ZC3HAV1: variants seen among roughly 807,000 people sequenced by gnomAD.
The protein encoded by ZC3HAV1 is zinc finger CCCH-type antiviral protein 1.
In ZC3HAV1, 41 loss-of-function variants were observed where a neutral mutation model predicts 86.6. The ratio of observed to expected loss-of-function variants is 0.47; its 90% CI spans 0.37 to 0.61. The LOEUF (loss-of-function observed/expected upper bound fraction) is 0.61, where lower values mean the gene tolerates loss of function less well. ZC3HAV1 is among the 20% of genes least tolerant of loss of function. The pLI is 0.00. For synonymous variants in ZC3HAV1, 421 were observed against 432.1 expected (o/e 0.97, Z 0.32); for missense variants, 964 against 1,141.1 (o/e 0.84, Z 2.24).
At chr7:139,094,237 A>G (rs907476697) in intron 1 of ZC3HAV1, among the ~76,000 whole-genome samples, 2 of 152,016 alleles carry the variant, frequency 1.3e-5, no homozygotes, top group Non-Finnish European at 2.9e-5. Context: ...GAGGCCAAGA[A>G]TTTGCATGTC....
At chr7:139,070,789 T>C (rs1314651320) in intron 7 of ZC3HAV1, among the ~76,000 whole-genome samples, 3 of 151,692 alleles carry the variant, frequency 2.0e-5, no homozygotes, top group Non-Finnish European at 2.9e-5. Context: ...AAGACCAGCC[T>C]GGCCAACATG....
chr7:139,052,063 C>T (rs936344402), intron 12 of ZC3HAV1, among the ~76,000 whole-genome samples: 9 of 151,136 alleles, frequency 6.0e-5, no homozygotes, highest in Non-Finnish European at 8.8e-5. Flanking sequence ...AGTAAGCTTG[C>T]TTATTAGTTA....
Position 139,083,830 on chromosome 7 carries a change from T to C in ZC3HAV1, c.647A>G (p.Gln216Arg). 2 of 1,613,922 alleles carry C rather than the reference T, an allele frequency of 1.2e-6. No individual in the cohort carries two copies. The highest frequency in any genetic ancestry group is 1.7e-6 in the Non-Finnish European group (2 of 1,179,950). ...CATGTGCTTGCTGTTGCAGATGTCC[T>C]GGATGTTCTGGACCACGTCGGGGTT... ...GLNPDVVQNI[Q>R]DICNSKHMQK... The change falls in exon 3 of 13, where the codon CAG becomes CGG. Residue 216 changes from glutamine (Q) to arginine (R), a missense_variant. Transcript: ENST00000242351.
chr7:139,081,339 C>G (rs1024451520), intron 3 of ZC3HAV1, among the ~76,000 whole-genome samples: 1 of 151,974 alleles, frequency 6.6e-6, no homozygotes, highest in Non-Finnish European at 1.5e-5. Context: ...CTCTTCCAAA[C>G]CCAGGGGGCA....
At chr7:139,049,165 T>C (rs1816052594) in intron 12 of ZC3HAV1, among the ~76,000 whole-genome samples, 3 of 149,138 alleles carry the variant, frequency 2.0e-5, no homozygotes, top group Admixed American at 6.7e-5. Flanking sequence ...TTGTTGCTGC[T>C]GTTTTTGAGA....
At chr7:139,089,924 A>C (rs145668475) in intron 1 of ZC3HAV1, among the ~76,000 whole-genome samples, 165 bp from the exon 2 acceptor site, 32 of 151,952 alleles carry the variant, frequency 2.1e-4, no homozygotes, top group African/African-American at 6.8e-4. Context: ...TATTTTTTTT[A>C]CTTTTTTTTT....
At chr7:139,102,076 A>G (rs1266534456) in intron 1 of ZC3HAV1, among the ~76,000 whole-genome samples, 7 of 152,148 alleles carry the variant, frequency 4.6e-5, no homozygotes, top group Non-Finnish European at 2.9e-5. Context: ...ACAAAGAAGC[A>G]TATACCAAAA....
intron 2 of ZC3HAV1, among the ~76,000 whole-genome samples, chr7:139,089,239 G>A (rs537919433): frequency 1.9e-4 from 29 of 152,002 alleles, no homozygotes; most frequent in African/African-American, 7.0e-4. Flanking sequence ...TGTATTTTGA[G>A]GGGGTCTCTG....
chr7:139,067,381 C>G (rs905504492), intron 7 of ZC3HAV1, among the ~76,000 whole-genome samples: 1 of 152,194 alleles, frequency 6.6e-6, no homozygotes, highest in East Asian at 1.9e-4. Context: ...GAACTCCTGA[C>G]CTCAGGTGAT....
chr7:139,082,782 A>G (rs999033048), intron 3 of ZC3HAV1, among the ~76,000 whole-genome samples: 6 of 152,194 alleles, frequency 3.9e-5, no homozygotes, highest in Admixed American at 6.6e-5. Context: ...TGTCAAATTC[A>G]TACAAACAGA....
At position 139,084,085 on chromosome 7, in the gene ZC3HAV1, A is replaced by G. The variant is rs998125417; in HGVS notation, c.445-53T>C. On this transcript the variant is annotated intron_variant, in intron 2 of 12. Coordinates refer to ENST00000242351, the MANE Select transcript of ZC3HAV1 (RefSeq NM_020119.4). ...GTCAAAACACCTTCTTGTATTTGCC[A>G]AACATTCATTAAGGCAAGCTCACGT... 4.4e-6 allele frequency: 7 copies of G among 1,589,306 alleles called. No homozygotes were observed. The African/African-American group carries it at 9.4e-5, about 21-fold the overall frequency.
Position 139,102,004 on chromosome 7 carries a change from T to TAA in ZC3HAV1, c.308+7018_308+7019dup, listed in dbSNP as rs34657510. On this transcript the variant is annotated intron_variant, in intron 1 of 12. Transcript: ENST00000242351. ...GTGAGAAACACCCAAGAATGATCAA[T>TAA]AAAAAAAAAAAAAAATCAAAATTCC... 2.7e-3 allele frequency among the ~76,000 whole-genome samples: 358 copies of TAA among 130,438 alleles called. 2 individuals carry two copies. The highest frequency in any genetic ancestry group is 3.9e-3 in the Admixed American group (50 of 12,878). The allele number at this position is 130,438 out of a possible 152,430, so 85.6% of individuals were successfully genotyped here.
chr7:139,047,122 T>G lies in ZC3HAV1; in HGVS notation c.*472A>C. On this transcript the variant is annotated 3_prime_UTR_variant, in exon 13 of 13. Coordinates refer to ENST00000242351, the MANE Select transcript of ZC3HAV1 (RefSeq NM_020119.4). ...CGGGCAGATTGCCTGAGCTCAGGAG[T>G]TTGAGACCAGCCTGGGCAACACAGT... The G allele has an allele frequency of 6.0e-6, 1 of 167,186 alleles. No homozygotes were observed. The highest frequency in any genetic ancestry group is 1.3e-5 in the Non-Finnish European group (1 of 78,784). 10.4% of individuals were successfully genotyped at this position (167,186 alleles called of 1,614,324 possible). A position where few individuals can be genotyped will look rare whatever the true frequency, so the allele number is the denominator to read the frequency against.
intron 2 of ZC3HAV1, among the ~76,000 whole-genome samples, chr7:139,085,734 T>G (rs560748602): frequency 2.0e-5 from 3 of 152,260 alleles, no homozygotes; most frequent in African/African-American, 7.2e-5. Context: ...TGGTTCAGGC[T>G]GGGCATGGTG....
intron 12 of ZC3HAV1, among the ~76,000 whole-genome samples, chr7:139,048,094 T>C (rs564528763): frequency 6.0e-4 from 91 of 152,312 alleles, no homozygotes; most frequent in Non-Finnish European, 1.0e-3. Flanking sequence ...CTCATGCTGA[T>C]AGTGTGAGCC....
Position 139,080,025 on chromosome 7 carries a change from C to T in ZC3HAV1, c.916G>A (p.Ala306Thr), listed in dbSNP as rs780478917. ...KFTYLGSQDRARPPSGSSKAT... is the reference protein window; with the variant it reads ...KFTYLGSQDRTRPPSGSSKAT... ...TTGGACGAGCCTGAGGGAGGCCGAG[C>T]GCGATCCTGACTCCCCAGATACGTG... Residue 306 changes from alanine (A) to threonine (T), a missense_variant, in exon 4 of 13, where the codon GCT becomes ACT. Ala to Thr is a moderately conservative substitution (Grantham distance 58). Coordinates refer to ENST00000242351, the MANE Select transcript of ZC3HAV1 (RefSeq NM_020119.4). 175 of 1,614,016 alleles carry T rather than the reference C, an allele frequency of 1.1e-4. No individual in the cohort carries two copies. Among genetic ancestry groups the T allele is most frequent in the Non-Finnish European group, 1.4e-4 (160 of 1,180,020 alleles).
At chr7:139,099,103 T>C (rs761182713) in intron 1 of ZC3HAV1, among the ~76,000 whole-genome samples, 7 of 152,184 alleles carry the variant, frequency 4.6e-5, no homozygotes, top group Non-Finnish European at 8.8e-5. Flanking sequence ...AATATTACAA[T>C]GTCATAATGT....
chr7:139,099,405 T>C (rs1817689690), intron 1 of ZC3HAV1, among the ~76,000 whole-genome samples: 1 of 152,100 alleles, frequency 6.6e-6, no homozygotes, highest in Non-Finnish European at 1.5e-5. Flanking sequence ...AAGAGTAAAA[T>C]GCAAATCATT....
chr7:139,100,531 C>CT (rs1293090147), intron 1 of ZC3HAV1, among the ~76,000 whole-genome samples: 2 of 149,500 alleles, frequency 1.3e-5, no homozygotes, highest in African/African-American at 4.9e-5. Flanking sequence ...GAGGCTCTGT[C>CT]TCAAAAAAAA....
Sources: allele counts gnomAD v4.1 joint callset (sites outside exome capture counted in the v4.1 genomes callset), GRCh38; gene constraint gnomAD v4.1.1; transcripts MANE v1.5; gene names NCBI Gene and HGNC (gene_info 2026-07-23, HGNC 2026-07-21).